Variants in PNPLA3 observed in about 807,000 individuals in gnomAD.
PNPLA3 encodes the protein patatin like domain 3, 1-acylglycerol-3-phosphate O-acyltransferase, also known as 1-acylglycerol-3-phosphate O-acyltransferase PNPLA3.
A neutral mutation model predicts 43.1 loss-of-function variants in PNPLA3; 42 were observed. The ratio of observed to expected loss-of-function variants is 0.97; its 90% CI spans 0.76 to 1.26. The LOEUF is 1.26. PNPLA3 is among the 50% of genes most tolerant of loss of function. The pLI is 0.00. For missense variants in PNPLA3, 647 were observed against 621.4 expected (o/e 1.04, Z -0.44); for synonymous variants, 272 against 253.6 (o/e 1.07, Z -0.69).
intron 3 of PNPLA3, among the ~76,000 whole-genome samples, chr22:43,930,973 A>G (rs2049957989): frequency 6.6e-6 from 1 of 152,100 alleles, no homozygotes; most frequent in African/African-American, 2.4e-5. Flanking sequence ...AACATACGAA[A>G]AAAATTAGCT....
intron 1 of PNPLA3, among the ~76,000 whole-genome samples, chr22:43,926,125 C>T (rs2049920332): frequency 6.6e-6 from 1 of 152,216 alleles, no homozygotes; most frequent in Admixed American, 6.5e-5. Context: ...CTGGACACAG[C>T]ACCTCAGTGC....
At chr22:43,925,565 G>A (rs2049916687) in intron 1 of PNPLA3, among the ~76,000 whole-genome samples, 1 of 152,176 alleles carries the variant, frequency 6.6e-6, no homozygotes, top group African/African-American at 2.4e-5. Context: ...CTGTTCAGTG[G>A]TGAGGAAGCG....
chr22:43,933,488 G>C (rs539329382), intron 4 of PNPLA3, among the ~76,000 whole-genome samples: 7 of 152,120 alleles, frequency 4.6e-5, no homozygotes, highest in African/African-American at 1.4e-4. Context: ...CTGGGTTCAA[G>C]CAGTCCTCCC....
chr22:43,933,341 G>T (rs1328442191), intron 4 of PNPLA3, among the ~76,000 whole-genome samples: 2 of 152,154 alleles, frequency 1.3e-5, no homozygotes, highest in African/African-American at 4.8e-5. Flanking sequence ...AGTCAGGGGG[G>T]TGCAGTATGG....
intron 5 of PNPLA3, among the ~76,000 whole-genome samples, chr22:43,936,055 G>A (rs907323508): frequency 6.6e-6 from 1 of 152,162 alleles, no homozygotes; most frequent in East Asian, 1.9e-4. Context: ...ACAGAAGAGC[G>A]CAGTCCCGGC....
At chr22:43,931,975 G>A (rs2049964543) in intron 3 of PNPLA3, among the ~76,000 whole-genome samples, 1 of 152,212 alleles carries the variant, frequency 6.6e-6, no homozygotes, top group Admixed American at 6.5e-5. Flanking sequence ...TCCTGGACCT[G>A]TTTTAGGCCA....
chr22:43,935,007 G>C (rs1054268602), intron 5 of PNPLA3, among the ~76,000 whole-genome samples: 1 of 152,106 alleles, frequency 6.6e-6, no homozygotes, highest in Non-Finnish European at 1.5e-5. Context: ...GTGACCCTTA[G>C]TTTAACAAGG....
intron 2 of PNPLA3, among the ~76,000 whole-genome samples, chr22:43,927,698 C>G (rs1892039422): frequency 6.6e-6 from 1 of 151,808 alleles, no homozygotes; most frequent in Admixed American, 6.6e-5. Context: ...GCTCTGTCTC[C>G]CAGGCTGGAG....
In PNPLA3 at chr22:43,938,816, G is replaced by A. The variant is rs566925988; in HGVS notation, c.980-1177G>A. 6.6e-5 allele frequency among the ~76,000 whole-genome samples: 10 copies of A among 152,378 alleles called. No homozygotes were observed. In the South Asian group the frequency reaches 2.1e-3, roughly 32 times the overall value. On this transcript the variant is annotated intron_variant, in intron 6 of 8. Coordinates refer to ENST00000216180, the MANE Select transcript of PNPLA3 (RefSeq NM_025225.3). ...TAAAAGACTGGGGCTCCAGGAAGAA[G>A]GCTCTGGAATCCAGCAGAGGGTCAA...
rs145567197 is a variant in PNPLA3, at chr22:43,932,918, T to C, written c.527T>C (p.Ile176Thr). The change falls in exon 4 of 9, where the codon ATT (isoleucine) becomes ACT (threonine). Residue 176 changes from isoleucine to threonine, a missense_variant. Transcript: ENST00000216180. ...GGAGTGAGTGACAACGTACCCTTCA[T>C]TGATGCCAAAACAACCATCACCGTG... Reference protein sequence around the residue: ...DGGVSDNVPFIDAKTTITVSP... With the variant: ...DGGVSDNVPFTDAKTTITVSP... The C allele has an allele frequency of 1.0e-4, 169 of 1,614,228 alleles. No individual in the cohort carries two copies. The African/African-American group carries it at 1.4e-3, about 13-fold the overall frequency.
chr22:43,935,501 T>C (rs535638695), intron 5 of PNPLA3, among the ~76,000 whole-genome samples: 1 of 151,884 alleles, frequency 6.6e-6, no homozygotes, highest in East Asian at 2.0e-4. Context: ...TGGAGGCTCA[T>C]GCAGGATGGA....
In PNPLA3 at chr22:43,946,744, T is replaced by C. The variant is rs1413432816; in HGVS notation, c.*362T>C. ...TGGGTGGGGGCCTTGTGATGGGGGG[T>C]AGGCTGGCCCATGTGTGATCTTGTG... On this transcript the variant is annotated 3_prime_UTR_variant, in exon 9 of 9. Transcript: ENST00000216180. 1.9e-6 allele frequency: 1 copy of C among 526,412 alleles called. No individual in the cohort carries two copies. Among genetic ancestry groups the C allele is most frequent in the African/African-American group, 1.9e-5 (1 of 51,932 alleles). 32.6% of individuals were successfully genotyped at this position (526,412 alleles called of 1,614,324 possible). A position where few individuals can be genotyped will look rare whatever the true frequency, so the allele number is the denominator to read the frequency against.
At chr22:43,931,223 G>C (rs1246610373) in intron 3 of PNPLA3, among the ~76,000 whole-genome samples, 1 of 152,206 alleles carries the variant, frequency 6.6e-6, no homozygotes, top group East Asian at 1.9e-4. Flanking sequence ...CCCGTTGAGT[G>C]CGCTCATAGG....
intron 5 of PNPLA3, among the ~76,000 whole-genome samples, chr22:43,935,115 C>T (rs983762995): frequency 2.0e-5 from 3 of 152,152 alleles, no homozygotes; most frequent in Admixed American, 2.0e-4. Context: ...GACAAGTTTG[C>T]TCTTCCCAGA....
chr22:43,934,902 C>T (rs2049985127), intron 5 of PNPLA3, among the ~76,000 whole-genome samples: 1 of 152,056 alleles, frequency 6.6e-6, no homozygotes, highest in African/African-American at 2.4e-5. Context: ...AGGGGCAGAG[C>T]CGAGATTTGA....
At chr22:43,935,043 T>C (rs1464503536) in intron 5 of PNPLA3, among the ~76,000 whole-genome samples, 4 of 152,150 alleles carry the variant, frequency 2.6e-5, no homozygotes, top group Non-Finnish European at 5.9e-5. Flanking sequence ...TTTCTGCGCC[T>C]GGACCCCAAA....
chr22:43,928,903 C>T lies in PNPLA3; in HGVS notation c.486+14C>T. 1 of 1,603,806 alleles carries T rather than the reference C, an allele frequency of 6.2e-7. No homozygotes were observed. Among genetic ancestry groups the T allele is most frequent in the Non-Finnish European group, 8.5e-7 (1 of 1,170,622 alleles). On this transcript the variant is annotated intron_variant, in intron 3 of 8. Transcript: ENST00000216180. ...TTCAGAGGCGTGGTAAGTCGGCTTT[C>T]TCTGCTAGCGCTGAGTCCTGGGGGC...
rs778267335 is a variant in PNPLA3 at position 43,937,155 on chromosome 22, G to A, written c.862G>A (p.Glu288Lys). 254 of 1,614,078 alleles carry A rather than the reference G, an allele frequency of 1.6e-4. 1 individual carries two copies. The Admixed American group carries it at 4.1e-3, about 26-fold the overall frequency. Residue 288 changes from glutamate to lysine, a missense_variant, in exon 6 of 9, where the codon GAG becomes AAG. Coordinates refer to ENST00000216180, the MANE Select transcript of PNPLA3 (RefSeq NM_025225.3). ...WANMSLDSSP[E>K]SAALAVRLEG... The stretch of plus-strand genomic sequence containing the variant: ...AAACATGAGTCTGGATTCTTCCCCG[G>A]AGTCGGCTGCCTTGGCTGTGAGGCT...
chr22:43,932,867 T>G lies in PNPLA3; in HGVS notation c.487-11T>G. ...CAGACAGTGCCAGTCCTTTTTCCCC[T>G]TCTTTAAAAGCGATATGTGGATGGA... On this transcript the variant is annotated splice_polypyrimidine_tract_variant and intron_variant, in intron 3 of 8. Transcript: ENST00000216180. 1.2e-6 allele frequency: 2 copies of G among 1,613,786 alleles called. No individual in the cohort carries two copies. Among genetic ancestry groups the G allele is most frequent in the Non-Finnish European group, 1.7e-6 (2 of 1,179,656 alleles).
Sources: gnomAD v4.1 joint callset for allele counts (sites outside exome capture counted in the v4.1 genomes callset) on GRCh38, gnomAD v4.1.1 for gene constraint, MANE v1.5 for transcripts, NCBI Gene and HGNC (gene_info 2026-07-23, HGNC 2026-07-21) for gene names.